The following FRMPD4 variants were observed in gnomAD, a reference collection of about 807,000 sequenced individuals.
FRMPD4 encodes the protein FERM and PDZ domain containing 4.
In FRMPD4, 22 loss-of-function variants were observed where a neutral mutation model predicts 94.1. That is an observed-to-expected ratio of 0.23 (90% CI 0.17 to 0.33). The LOEUF (loss-of-function observed/expected upper bound fraction) is 0.33. Ranked by LOEUF, FRMPD4 falls within the 10% of genes least tolerant of loss-of-function variation. The pLI, the probability that FRMPD4 is intolerant of heterozygous loss-of-function variation, is 1.00. For missense variants in FRMPD4, 1,111 were observed against 1,339.9 expected (o/e 0.83, Z 2.67); for synonymous variants, 631 against 548.6 (o/e 1.15, Z -2.10).
intron 3 of FRMPD4, among the ~76,000 whole-genome samples, chrX:12,011,837 A>T (rs1274666840): frequency 9.0e-6 from 1 of 110,585 alleles, no homozygotes; most frequent in Non-Finnish European, 1.9e-5. Flanking sequence ...GGCAATTCTC[A>T]TTATTTCTTT....
rs2042256535 is a variant in FRMPD4, at chrX:12,722,348, A to C, written c.*490A>C. 8.9e-6 allele frequency: 1 copy of C among 112,535 alleles called. No homozygotes were observed. Among genetic ancestry groups the C allele is most frequent in the Admixed American group, 9.4e-5 (1 of 10,644 alleles). The allele number at this position is 112,535 out of a possible 1,213,427, so 9.3% of individuals were successfully genotyped here. A position where few individuals can be genotyped will look rare whatever the true frequency, so the allele number is the denominator to read the frequency against. On this transcript the variant is annotated 3_prime_UTR_variant, in exon 17 of 17. Coordinates refer to ENST00000675598, the MANE Select transcript of FRMPD4 (RefSeq NM_001368397.1). ...TTGGAAATAGCAAAAAGACATTTAA[A>C]ATTCAAGAAGCTATTATGAATTACT...
At chrX:12,227,172 G>C (rs186729797) in intron 1 of FRMPD4, among the ~76,000 whole-genome samples, 7 of 111,723 alleles carry the variant, frequency 6.3e-5, no homozygotes. Context: ...AGCACACGTA[G>C]CATTTTAAGG....
intron 2 of FRMPD4, among the ~76,000 whole-genome samples, chrX:11,875,907 G>T (rs534840015): frequency 1.3e-5 from 1 of 79,941 alleles, no homozygotes; most frequent in Non-Finnish European, 2.2e-5. Flanking sequence ...ATGGAGTCTC[G>T]CTCTGTCGCC....
Position 12,615,067 on chromosome X carries a change from A to T in FRMPD4, c.422+186A>T, listed in dbSNP as rs6654761. Among the ~76,000 whole-genome samples, 3 of 111,958 alleles carry T rather than the reference A, an allele frequency of 2.7e-5. No individual in the cohort carries two copies. The Admixed American group carries it at 2.8e-4, about 11-fold the overall frequency. On this transcript the variant is annotated intron_variant, in intron 4 of 16. Transcript: ENST00000675598. ...ATATCAAAACACATACTCCATAAACACAAAACTCCTAATTGTCCACTCTCT... is the reference window on the plus strand; with the variant it reads ...ATATCAAAACACATACTCCATAAACTCAAAACTCCTAATTGTCCACTCTCT...
At chrX:11,908,389 C>T (rs983646024) in intron 3 of FRMPD4, among the ~76,000 whole-genome samples, 2 of 111,759 alleles carry the variant, frequency 1.8e-5, no homozygotes, top group Admixed American at 9.5e-5. Flanking sequence ...TCCAGGATAT[C>T]CCTGTTAAAT....
chrX:12,046,988 A>T (rs1187624963), intron 3 of FRMPD4, among the ~76,000 whole-genome samples: 1 of 111,318 alleles, frequency 9.0e-6, no homozygotes, highest in Non-Finnish European at 1.9e-5. Context: ...AACTTTGGAT[A>T]TCCCAAAGGT....
chrX:12,034,320 A>G (rs189042908), intron 3 of FRMPD4, among the ~76,000 whole-genome samples: 7 of 112,049 alleles, frequency 6.2e-5, no homozygotes, highest in African/African-American at 2.3e-4. Context: ...CGGGATAGAG[A>G]GAGAGAGATG....
intron 1 of FRMPD4, among the ~76,000 whole-genome samples, chrX:12,420,507 C>T (rs2056868961): frequency 8.9e-6 from 1 of 111,949 alleles, no homozygotes; most frequent in African/African-American, 3.3e-5. Context: ...CACCTGCCCT[C>T]CCTCGGCATT....
At chrX:12,460,908 G>A (rs761178133) in intron 1 of FRMPD4, among the ~76,000 whole-genome samples, 1 of 111,662 alleles carries the variant, frequency 9.0e-6, no homozygotes, top group African/African-American at 3.2e-5. Flanking sequence ...ATCCTCTTTT[G>A]TGCTACATGT....
At position 12,336,431 on chromosome X, in the gene FRMPD4, A is replaced by G. The variant is rs560864044; in HGVS notation, c.42-162249A>G. On this transcript the variant is annotated intron_variant, in intron 1 of 16. Transcript: ENST00000675598. ...GTCACTCCTCAAGTTATAATGATGT[A>G]TGGGATTCAGAGAGCTGAATGTTGC... Among the ~76,000 whole-genome samples the G allele has an allele frequency of 2.7e-5, 3 of 111,740 alleles. No individual in the cohort carries two copies. The South Asian group carries it at 1.1e-3, about 42-fold the overall frequency.
At chrX:12,539,922 C>A (rs1409925485) in intron 2 of FRMPD4, among the ~76,000 whole-genome samples, 1 of 112,180 alleles carries the variant, frequency 8.9e-6, no homozygotes, top group African/African-American at 3.2e-5. Context: ...GCATGAGCCA[C>A]CGCGCCCAGC....
chrX:12,021,325 A>G (rs923794146), intron 3 of FRMPD4, among the ~76,000 whole-genome samples: 3 of 111,813 alleles, frequency 2.7e-5, no homozygotes, highest in African/African-American at 9.8e-5. Flanking sequence ...TTCTCTCTAC[A>G]TCCTGTAAGG....
chrX:12,280,561 C>T (rs1448596072), intron 1 of FRMPD4, among the ~76,000 whole-genome samples: 1 of 111,195 alleles, frequency 9.0e-6, no homozygotes, highest in Non-Finnish European at 1.9e-5. Context: ...ACTCAACTTA[C>T]TTTATTGAAA....
chrX:12,585,990 G>A (rs1015437887), intron 2 of FRMPD4, among the ~76,000 whole-genome samples: 8 of 112,336 alleles, frequency 7.1e-5, no homozygotes, highest in Admixed American at 5.6e-4. Flanking sequence ...GAAATAGATC[G>A]ATATATTGGC....
chrX:12,681,698 C>CACAT (rs760962781), intron 5 of FRMPD4, among the ~76,000 whole-genome samples: 2 of 103,338 alleles, frequency 1.9e-5, no homozygotes, highest in Non-Finnish European at 3.9e-5. Flanking sequence ...ATCCAGGATA[C>CACAT]ACACACACAC....
At chrX:12,291,683 G>A (rs1354698699) in intron 1 of FRMPD4, among the ~76,000 whole-genome samples, 2 of 111,337 alleles carry the variant, frequency 1.8e-5, no homozygotes, top group Non-Finnish European at 3.8e-5. Context: ...CCTCACTAGG[G>A]ATCACATTGC....
intron 4 of FRMPD4, among the ~76,000 whole-genome samples, chrX:12,648,166 A>G (rs1340335433): frequency 9.0e-6 from 1 of 111,705 alleles, no homozygotes; most frequent in Admixed American, 9.5e-5. Flanking sequence ...ATTACTAAAG[A>G]GTGATTCTCA....
chrX:12,532,967 C>T (rs188301476), intron 2 of FRMPD4, among the ~76,000 whole-genome samples: 149 of 111,836 alleles, frequency 1.3e-3, no homozygotes, highest in Middle Eastern at 4.6e-3. Context: ...TCTTTGTAAT[C>T]CTGTGTATTT....
intron 1 of FRMPD4, among the ~76,000 whole-genome samples, chrX:12,367,450 C>T (rs1217936833): frequency 8.9e-6 from 1 of 112,344 alleles, no homozygotes; most frequent in East Asian, 2.8e-4. Context: ...TCTTGAGTTG[C>T]GCAATGAACC....
Sources: allele counts gnomAD v4.1 joint callset (sites outside exome capture counted in the v4.1 genomes callset), GRCh38; gene constraint gnomAD v4.1.1; transcripts MANE v1.5; gene names NCBI Gene and HGNC (gene_info 2026-07-23, HGNC 2026-07-21).